Variants in LGR6 observed in about 807,000 individuals in gnomAD.
The protein encoded by LGR6 is leucine rich repeat containing G protein-coupled receptor 6.
LGR6 carries 45 observed loss-of-function variants against 69.4 expected under a neutral mutation model. The observed-to-expected ratio is 0.65, with a 90% CI of 0.51 to 0.83. The LOEUF is 0.83. Ranked by LOEUF, LGR6 falls within the 40% of genes least tolerant of loss-of-function variation. LGR6 has a pLI of 0.00. For synonymous variants in LGR6, 538 were observed against 555.0 expected (o/e 0.97, Z 0.43); for missense variants, 1,108 against 1,246.7 (o/e 0.89, Z 1.68).
At chr1:202,285,104 A>G (rs1442495486) in intron 6 of LGR6, among the ~76,000 whole-genome samples, 2 of 152,202 alleles carry the variant, frequency 1.3e-5, no homozygotes, top group African/African-American at 2.4e-5. Flanking sequence ...TTATAATACA[A>G]AATTGTACCT....
chr1:202,292,422 T>G (rs1182223712), intron 6 of LGR6, among the ~76,000 whole-genome samples: 1 of 152,212 alleles, frequency 6.6e-6, no homozygotes, highest in African/African-American at 2.4e-5. Flanking sequence ...AGTTTATTTC[T>G]GGATCATGTA....
At chr1:202,230,476 G>A (rs1232993148) in intron 3 of LGR6, among the ~76,000 whole-genome samples, 1 of 152,120 alleles carries the variant, frequency 6.6e-6, no homozygotes, top group Non-Finnish European at 1.5e-5. Context: ...TCACCATCCC[G>A]GCTCAGCACT....
chr1:202,239,361 GT>G (rs1250568999), intron 4 of LGR6, among the ~76,000 whole-genome samples: 1 of 151,038 alleles, frequency 6.6e-6, no homozygotes, highest in Admixed American at 6.6e-5. Flanking sequence ...GTGTGTGTGT[GT>G]GTGTGTGTGT....
At chr1:202,232,375 G>C (rs937800406) in intron 3 of LGR6, among the ~76,000 whole-genome samples, 4 of 152,168 alleles carry the variant, frequency 2.6e-5, no homozygotes, top group African/African-American at 7.2e-5. Context: ...GTGAGGGGAG[G>C]AGTGTTGAGG....
chr1:202,214,833 GCA>G (rs1659654412), intron 1 of LGR6, among the ~76,000 whole-genome samples: 1 of 152,138 alleles, frequency 6.6e-6, no homozygotes, highest in Non-Finnish European at 1.5e-5. Flanking sequence ...GAAATCTTTA[GCA>G]CAGTGTGTGA....
intron 4 of LGR6, among the ~76,000 whole-genome samples, chr1:202,263,242 C>A (rs1018428996): frequency 1.3e-5 from 2 of 152,088 alleles, no homozygotes; most frequent in African/African-American, 4.8e-5. Context: ...CCTGCCTCAG[C>A]CTGCTGAGTA....
intron 4 of LGR6, among the ~76,000 whole-genome samples, chr1:202,265,601 A>C (rs1664583373): frequency 6.6e-6 from 1 of 152,190 alleles, no homozygotes; most frequent in Non-Finnish European, 1.5e-5. Context: ...CAGTGAACTC[A>C]AAGAACACCG....
rs1665582877 is a variant in LGR6 at position 202,276,628 on chromosome 1, A to G, written c.644+107A>G. 5.4e-6 allele frequency: 5 copies of G among 921,396 alleles called. No individual in the cohort carries two copies. In the East Asian group the frequency reaches 8.0e-5, roughly 15 times the overall value. 57.1% of individuals were successfully genotyped at this position (921,396 alleles called of 1,614,324 possible). ...CCTGGCTAGCTTTGCTCTTCTTTGC[A>G]TGTTGCTAAACCTTCTGGCCTCCCT... On this transcript the variant is annotated intron_variant, in intron 5 of 17. Transcript: ENST00000367278.
At chr1:202,278,526 G>A (rs184027314) in intron 5 of LGR6, among the ~76,000 whole-genome samples, 2 of 152,240 alleles carry the variant, frequency 1.3e-5, no homozygotes, top group East Asian at 3.9e-4. Context: ...CTTTGCATGG[G>A]GAGAGGTTAG....
chr1:202,278,441 G>A (rs1665756868), intron 5 of LGR6, among the ~76,000 whole-genome samples: 1 of 152,140 alleles, frequency 6.6e-6, no homozygotes, highest in Non-Finnish European at 1.5e-5. Context: ...GCCCACTGAG[G>A]ACAAGGAGGG....
chr1:202,310,171 C>T, intron 15 of LGR6, 26 bp from the exon 16 acceptor site: 1 of 1,611,184 alleles, frequency 6.2e-7, no homozygotes, highest in South Asian at 1.1e-5. Context: ...CTGAGGCAGC[C>T]AATCAGCCTG....
At chr1:202,272,936 C>T (rs779224279) in intron 4 of LGR6, among the ~76,000 whole-genome samples, 1 of 148,302 alleles carries the variant, frequency 6.7e-6, no homozygotes, top group African/African-American at 2.4e-5. Context: ...AATCTCTGCC[C>T]TGGTGTCCCA....
chr1:202,213,960 G>T (rs568950261), intron 1 of LGR6: 28 of 781,736 alleles, frequency 3.6e-5, no homozygotes, highest in Non-Finnish European at 4.0e-5. Flanking sequence ...AGGTATTTTA[G>T]ATCCAGATCT....
At chr1:202,227,252 ATGTCC>A (rs1660628130) in intron 2 of LGR6, among the ~76,000 whole-genome samples, 1 of 152,216 alleles carries the variant, frequency 6.6e-6, no homozygotes, top group African/African-American at 2.4e-5. Context: ...GCACAAAATA[ATGTCC>A]CTGGGGACTT....
chr1:202,262,965 A>G (rs1051648879), intron 4 of LGR6, among the ~76,000 whole-genome samples: 16 of 149,940 alleles, frequency 1.1e-4, no homozygotes, highest in Non-Finnish European at 2.1e-4. Flanking sequence ...ATTTTATTTT[A>G]TTTTATTTTA....
chr1:202,234,088 T>C (rs543100904), intron 3 of LGR6, among the ~76,000 whole-genome samples: 9 of 152,344 alleles, frequency 5.9e-5, no homozygotes, highest in Admixed American at 5.9e-4. Flanking sequence ...GGAGCCTGGA[T>C]TGAAGGGGAC....
At chr1:202,205,390 TCCTTCAAACACACACA>T (rs1659144773) in intron 1 of LGR6, among the ~76,000 whole-genome samples, 1 of 494 alleles carries the variant, frequency 2.0e-3, no homozygotes, top group African/African-American at 5.4e-3. Context: ...CTCACACACC[TCCTTCAAACACACACA>T]CCTCCAAACA....
chr1:202,215,270 C>T (rs553399194), intron 1 of LGR6, among the ~76,000 whole-genome samples: 1 of 152,278 alleles, frequency 6.6e-6, no homozygotes, highest in Non-Finnish European at 1.5e-5. Context: ...CTGACTTCAC[C>T]TCCCCAATCC....
intron 1 of LGR6, among the ~76,000 whole-genome samples, chr1:202,204,611 C>A (rs1659009901): frequency 6.5e-5 from 7 of 107,220 alleles, no homozygotes; most frequent in Admixed American, 2.0e-4. Context: ...CACCTCCAAA[C>A]ACACACCTCC....
Sources: gnomAD v4.1 joint callset for allele counts (sites outside exome capture counted in the v4.1 genomes callset) on GRCh38, gnomAD v4.1.1 for gene constraint, MANE v1.5 for transcripts, NCBI Gene and HGNC (gene_info 2026-07-23, HGNC 2026-07-21) for gene names.